Variants in TG observed in about 807,000 individuals in gnomAD.
TG encodes the protein thyroglobulin.
TG carries 270 observed loss-of-function variants against 324.7 expected under a neutral mutation model. The observed-to-expected ratio is 0.83, with a 90% CI of 0.75 to 0.92. The LOEUF (loss-of-function observed/expected upper bound fraction) is 0.92. TG is among the 40% of genes least tolerant of loss of function. The probability of loss-of-function intolerance (pLI) is 0.00; values close to 1 mark genes in which losing one functional copy is unlikely to be tolerated. For synonymous variants in TG, 1,401 were observed against 1,327.0 expected, an observed-to-expected ratio of 1.06 and a Z score of -1.21; for missense variants, 3,591 against 3,456.4, an observed-to-expected ratio of 1.04 and a Z score of -0.98.
intron 37 of TG, among the ~76,000 whole-genome samples, chr8:133,016,619 A>G (rs535672930): frequency 6.6e-6 from 1 of 152,374 alleles, no homozygotes; most frequent in African/African-American, 2.4e-5. Flanking sequence ...TTGTCTGTCA[A>G]TCAGCCGAGA....
intron 2 of TG, among the ~76,000 whole-genome samples, chr8:132,869,467 G>T (rs1273991151): frequency 6.6e-6 from 1 of 152,210 alleles, no homozygotes; most frequent in Non-Finnish European, 1.5e-5. Context: ...TCCAGGGTGG[G>T]TCACTTGTTT....
chr8:133,115,058 A>AG (rs1413575317), intron 44 of TG, among the ~76,000 whole-genome samples: 1 of 152,146 alleles, frequency 6.6e-6, no homozygotes, highest in African/African-American at 2.4e-5. Flanking sequence ...TGACCCTGAG[A>AG]GGCTTATAAT....
chr8:133,097,873 T>C (rs189806460), intron 43 of TG, among the ~76,000 whole-genome samples: 1 of 152,262 alleles, frequency 6.6e-6, no homozygotes, highest in East Asian at 1.9e-4. Flanking sequence ...GCATGTGAAG[T>C]TGATTTCTGA....
intron 45 of TG, among the ~76,000 whole-genome samples, chr8:133,118,453 T>A (rs921580827): frequency 6.6e-6 from 1 of 151,620 alleles, no homozygotes; most frequent in South Asian, 2.1e-4. Flanking sequence ...GCCTCCCCAG[T>A]AGCTGGAATT....
At position 132,886,303 on chromosome 8, in the gene TG, A is replaced by G. The variant is rs1587245334; in HGVS notation, c.1076-145A>G. ...AGCTCAGGGGAAAGGAAAAAATAAA[A>G]TGACACAGAGAAGAAAGTGGTTTCA... On this transcript the variant is annotated intron_variant, in intron 8 of 47. Transcript: ENST00000220616. 4 of 1,202,946 alleles carry G rather than the reference A, an allele frequency of 3.3e-6. No individual in the cohort carries two copies. In the East Asian group the frequency reaches 7.2e-5, roughly 22 times the overall value. 74.5% of individuals were successfully genotyped at this position (1,202,946 alleles called of 1,614,324 possible). A position where few individuals can be genotyped will look rare whatever the true frequency, so the allele number is the denominator to read the frequency against.
At chr8:132,959,183 C>T (rs970492693) in intron 27 of TG, among the ~76,000 whole-genome samples, 5 of 152,112 alleles carry the variant, frequency 3.3e-5, no homozygotes, top group South Asian at 2.1e-4. Context: ...ATGGTAGCCC[C>T]GGGGAGACTT....
At chr8:133,009,563 G>A (rs76605002) in intron 35 of TG, among the ~76,000 whole-genome samples, 2,643 of 151,540 alleles carry the variant, frequency 0.017, 72 homozygotes, top group African/African-American at 0.06. Flanking sequence ...GTATAGACAT[G>A]TCATAGACTG....
At chr8:132,946,828 C>T (rs539211074) in intron 26 of TG, among the ~76,000 whole-genome samples, 57 of 152,264 alleles carry the variant, frequency 3.7e-4, no homozygotes, top group Non-Finnish European at 6.9e-4. Flanking sequence ...GACTTCCAGC[C>T]TCTCCCTGGC....
chr8:132,912,982 T>G, intron 19 of TG, 65 bp from the exon 20 acceptor site: 1 of 1,506,388 alleles, frequency 6.6e-7, no homozygotes. Flanking sequence ...TCTGCCCTGC[T>G]TAATCCTCCC....
Position 132,939,865 on chromosome 8 carries a change from C to T in TG, c.5042-1486C>T, listed in dbSNP as rs189367258. On this transcript the variant is annotated intron_variant, in intron 25 of 47. Coordinates refer to ENST00000220616, the MANE Select transcript of TG (RefSeq NM_003235.5). Reference sequence around the variant, plus strand: ...CTAATTTTTGTATTGTTAGTAGAGACGGGGTTTCACCATTTGGCCCGGCTA... The same window carrying T: ...CTAATTTTTGTATTGTTAGTAGAGATGGGGTTTCACCATTTGGCCCGGCTA... Among the ~76,000 whole-genome samples, 383 of 152,094 alleles carry T rather than the reference C, an allele frequency of 2.5e-3. 1 individual carries two copies. The highest frequency in any genetic ancestry group is 3.0e-3 in the Non-Finnish European group (201 of 67,968).
chr8:132,887,637 T>C (rs1291419859), intron 9 of TG, 89 bp downstream of exon 9: 2 of 1,551,888 alleles, frequency 1.3e-6, no homozygotes, highest in Admixed American at 1.7e-5. Context: ...AATCCACTCC[T>C]GGCCAATGCT....
chr8:132,897,723 C>T lies in TG; in HGVS notation c.3076C>T (p.Pro1026Ser). ...AGCATCCGCCCTTCTGCGGTCGGGC[C>T]CCTACATGCCACAGTGTGATGCGTT... is the stretch of plus-strand genomic sequence containing the variant. ...AGASALLRSG[P>S]YMPQCDAFGS... Residue 1026 changes from proline to serine, a missense_variant, in exon 12 of 48, where the codon CCC becomes TCC. Transcript: ENST00000220616. 1 of 1,614,238 alleles carries T rather than the reference C, an allele frequency of 6.2e-7. No homozygotes were observed. The highest frequency in any genetic ancestry group is 8.5e-7 in the Non-Finnish European group (1 of 1,180,044).
intron 41 of TG, 79 bp downstream of exon 41, chr8:133,030,102 A>G (rs1231420133): frequency 3.8e-6 from 6 of 1,571,728 alleles, no homozygotes; most frequent in African/African-American, 1.4e-5. Flanking sequence ...GCAAAAGTCT[A>G]GTTGGCTTCA....
intron 43 of TG, among the ~76,000 whole-genome samples, chr8:133,102,125 G>A (rs1374976141): frequency 6.6e-6 from 1 of 152,198 alleles, no homozygotes; most frequent in African/African-American, 2.4e-5. Flanking sequence ...TTAATATTAA[G>A]ATTAGTGTCC....
At chr8:132,979,765 C>T (rs181673726) in intron 34 of TG, among the ~76,000 whole-genome samples, 3 of 152,060 alleles carry the variant, frequency 2.0e-5, no homozygotes, top group African/African-American at 7.2e-5. Flanking sequence ...GTTTTTTGCC[C>T]CCACACCAAC....
intron 19 of TG, 45 bp downstream of exon 19, chr8:132,911,578 T>A (rs1193559923): frequency 6.5e-7 from 1 of 1,542,692 alleles, no homozygotes; most frequent in African/African-American, 1.4e-5. Context: ...ATGCAGCCTC[T>A]CTGAGTCTCA....
chr8:133,098,486 C>T (rs1317901026), intron 43 of TG, among the ~76,000 whole-genome samples: 1 of 152,316 alleles, frequency 6.6e-6, no homozygotes, highest in African/African-American at 2.4e-5. Context: ...GACAATTTCC[C>T]ACTCACCTCC....
At position 133,017,667 on chromosome 8, in the gene TG, G is replaced by A. The variant is rs56255449; in HGVS notation, c.6563-111G>A. The A allele has an allele frequency of 5.8e-3, 6,131 of 1,051,434 alleles. 24 individuals are homozygous for A. The highest frequency in any genetic ancestry group is 8.0e-3 in the Admixed American group (449 of 55,782). 65.1% of individuals were successfully genotyped at this position (1,051,434 alleles called of 1,614,324 possible). ...AATGAATGATTGACATTTTCAAGGT[G>A]CAAAAACCGTGATTTTTCTTTTGTT... is the stretch of plus-strand genomic sequence containing the variant. On this transcript the variant is annotated intron_variant, in intron 37 of 47. Transcript: ENST00000220616.
chr8:132,960,750 G>A (rs1302815705), intron 27 of TG, among the ~76,000 whole-genome samples: 1 of 152,136 alleles, frequency 6.6e-6, no homozygotes, highest in Non-Finnish European at 1.5e-5. Flanking sequence ...TGACTCTCCC[G>A]AGTCATAGGT....
Sources: allele counts gnomAD v4.1 joint callset (sites outside exome capture counted in the v4.1 genomes callset), GRCh38; gene constraint gnomAD v4.1.1; transcripts MANE v1.5; gene names NCBI Gene and HGNC (gene_info 2026-07-23, HGNC 2026-07-21).